ARAP3: variants seen among roughly 807,000 people sequenced by gnomAD.
ARAP3 encodes the protein arf-GAP with Rho-GAP domain, ANK repeat and PH domain-containing protein 3.
A neutral mutation model predicts 169.2 loss-of-function variants in ARAP3; 82 were observed. The ratio of observed to expected loss-of-function variants is 0.48; its 90% CI spans 0.41 to 0.58. ARAP3 has a LOEUF of 0.58. Ranked by LOEUF, ARAP3 falls within the 20% of genes least tolerant of loss-of-function variation. The pLI is 0.00. For synonymous variants in ARAP3, 791 were observed against 800.3 expected (o/e 0.99, Z 0.20); for missense variants, 1,764 against 2,018.0 (o/e 0.87, Z 2.41).
chr5:141,671,194 T>A lies in ARAP3; in HGVS notation c.1990+71A>T. 2.0e-6 allele frequency: 3 copies of A among 1,529,736 alleles called. No homozygotes were observed. The highest frequency in any genetic ancestry group is 2.6e-6 in the Non-Finnish European group (3 of 1,137,358). 94.8% of individuals were successfully genotyped at this position (1,529,736 alleles called of 1,614,324 possible). ...TTGTGATCAGCTAATTGGGGCCCCT[T>A]GGAAGAACTGAATCATAGGTTGGGT... On this transcript the variant is annotated intron_variant, in intron 13 of 32. Coordinates refer to ENST00000239440, the MANE Select transcript of ARAP3 (RefSeq NM_022481.6). The surrounding 1 kb of genome is among the most constrained non-coding windows in gnomAD (Gnocchi z 4.9).
chr5:141,679,819 G>T lies in ARAP3; in HGVS notation c.528C>A (p.Ala176=), dbSNP rs768354109. ...GGGCAGAGATTTGGGAGCTGTCTGG[G>T]GCCCTGAAGGGAAAGGTCTATTGGT... ...RGRAQAAQDK[A]PDSSQISAPT... is the part of the protein sequence containing the mutation. The change falls in exon 3 of 33, where the codon GCC becomes GCA. Residue 176 remains alanine, a synonymous_variant. Coordinates refer to ENST00000239440, the MANE Select transcript of ARAP3 (RefSeq NM_022481.6). The T allele has an allele frequency of 6.2e-7, 1 of 1,611,996 alleles. No homozygotes were observed. The highest frequency in any genetic ancestry group is 1.3e-5 in the African/African-American group (1 of 74,664).
At chr5:141,680,632 G>C (rs754914683) in intron 1 of ARAP3, 129 bp from the exon 2 acceptor site, 92 of 1,367,738 alleles carry the variant, frequency 6.7e-5, no homozygotes, top group Non-Finnish European at 8.6e-5. Flanking sequence ...AAAGGCCTGC[G>C]ATCTGGAAGC....
Position 141,671,461 on chromosome 5 carries a change from T to C in ARAP3, c.1855-61A>G. The stretch of plus-strand genomic sequence containing the variant: ...CCCAAACTGAGAGCACTGGGGACAG[T>C]CGTATCATCACTAAAAACAGTCCCC... On this transcript the variant is annotated intron_variant, in intron 12 of 32. Transcript: ENST00000239440. This position sits in a 1 kb window ranked among gnomAD's most constrained non-coding sequence, Gnocchi z 4.9. 6.3e-7 allele frequency: 1 copy of C among 1,598,110 alleles called. No homozygotes were observed. The highest frequency in any genetic ancestry group is 1.7e-5 in the Admixed American group (1 of 58,710).
At chr5:141,658,129 C>G (rs1018580522) in intron 25 of ARAP3, among the ~76,000 whole-genome samples, 1 of 152,108 alleles carries the variant, frequency 6.6e-6, no homozygotes, top group African/African-American at 2.4e-5. Context: ...GAGAAGCTCC[C>G]TTTAAGGTAG....
intron 26 of ARAP3, 28 bp from the exon 27 acceptor site, chr5:141,656,665 G>A (rs2099909302): frequency 4.3e-6 from 7 of 1,613,452 alleles, no homozygotes; most frequent in African/African-American, 1.3e-5. Flanking sequence ...ATCCTGGGTG[G>A]AGGATGCTAG....
intron 25 of ARAP3, 139 bp from the exon 26 acceptor site, chr5:141,656,985 G>A: frequency 1.6e-6 from 2 of 1,247,994 alleles, no homozygotes; most frequent in African/African-American, 1.5e-5. Context: ...CAGGAACTGT[G>A]CTGGCCCTGG....
At chr5:141,662,296 G>A (rs1483063214) in intron 19 of ARAP3, 41 bp from the exon 20 acceptor site, 1 of 1,601,226 alleles carries the variant, frequency 6.2e-7, no homozygotes, top group East Asian at 2.2e-5. Context: ...TGGTGCAAAG[G>A]CTACCACCAC....
chr5:141,666,749 G>A, intron 16 of ARAP3, 106 bp from the exon 17 acceptor site: 1 of 516,330 alleles, frequency 1.9e-6, no homozygotes, highest in Non-Finnish European at 3.1e-6. Context: ...AGAAAAACAT[G>A]AAGAGAAAGC....
intron 17 of ARAP3, 81 bp from the exon 18 acceptor site, chr5:141,665,455 T>C (rs560816875): frequency 1.7e-5 from 24 of 1,452,978 alleles, no homozygotes; most frequent in East Asian, 1.4e-4. Flanking sequence ...TTAACGTGCA[T>C]AGATGCCAGG....
chr5:141,671,796 A>C lies in ARAP3; in HGVS notation c.1672-44T>G, dbSNP rs1244003877. ...CAAAGGCAGGTGACAGGAACTCAAG[A>C]GTCCTCAGATGTTCCATTCCTGTCC... On this transcript the variant is annotated intron_variant, in intron 11 of 32. Transcript: ENST00000239440. The surrounding 1 kb of genome is among the most constrained non-coding windows in gnomAD (Gnocchi z 4.9). The C allele has an allele frequency of 1.2e-6, 2 of 1,601,978 alleles. No homozygotes were observed. The highest frequency in any genetic ancestry group is 1.3e-5 in the African/African-American group (1 of 74,624).
At position 141,665,385 on chromosome 5, in the gene ARAP3, A is replaced by T. The variant is rs199681200; in HGVS notation, c.2573-11T>A. 1.9e-6 allele frequency: 3 copies of T among 1,613,898 alleles called. No individual in the cohort carries two copies. In the Admixed American group the frequency reaches 5.0e-5, roughly 27 times the overall value. Reference sequence around the variant, plus strand: ...CTGCAGAAACCACACCTGGGAGGAGAATCAGTGGACATTTTCATGATTATC... The same window carrying T: ...CTGCAGAAACCACACCTGGGAGGAGTATCAGTGGACATTTTCATGATTATC... On this transcript the variant is annotated splice_polypyrimidine_tract_variant and intron_variant, in intron 17 of 32. Coordinates refer to ENST00000239440, the MANE Select transcript of ARAP3 (RefSeq NM_022481.6).
chr5:141,670,107 C>T, intron 14 of ARAP3, 44 bp from the exon 15 acceptor site: 1 of 1,574,712 alleles, frequency 6.4e-7, no homozygotes, highest in Non-Finnish European at 8.6e-7. Context: ...ACCTCTGCCC[C>T]CACTGTCATA....
intron 4 of ARAP3, among the ~76,000 whole-genome samples, chr5:141,675,523 A>T (rs903655796): frequency 1.1e-4 from 17 of 152,178 alleles, no homozygotes; most frequent in Non-Finnish European, 2.4e-4. Flanking sequence ...GTTCAAGACC[A>T]GCCTGGGCAA....
Position 141,673,086 on chromosome 5 carries a change from G to GGTCATCTCAATGGCA in ARAP3, c.1005_1019dup (p.Ala336_Thr340dup). ...GGAACTTGTTGTCCTTGCTGCTGCG[G>GGTCATCTCAATGGCA]GTCATCTCAATGGCAGTCAAAGGTA... On this transcript the variant is annotated inframe_insertion, in exon 7 of 33. Coordinates refer to ENST00000239440, the MANE Select transcript of ARAP3 (RefSeq NM_022481.6). 4 of 1,614,162 alleles carry GGTCATCTCAATGGCA rather than the reference G, an allele frequency of 2.5e-6. No individual in the cohort carries two copies. The highest frequency in any genetic ancestry group is 3.4e-6 in the Non-Finnish European group (4 of 1,180,024).
chr5:141,665,519 T>C, intron 17 of ARAP3, 145 bp from the exon 18 acceptor site: 1 of 777,512 alleles, frequency 1.3e-6, no homozygotes, highest in Non-Finnish European at 2.0e-6. Context: ...TGTACTATTA[T>C]TCCCATTTTA....
In ARAP3 at chr5:141,680,004, G is replaced by T. The variant is rs146956360; in HGVS notation, c.483C>A (p.Phe161Leu). 5 of 1,614,142 alleles carry T rather than the reference G, an allele frequency of 3.1e-6. No homozygotes were observed. The South Asian group carries it at 4.4e-5, about 14-fold the overall frequency. Residue 161 changes from phenylalanine (F) to leucine (L), a missense_variant, in exon 2 of 33, where the codon TTC becomes TTA. This residue lies in a region of ARAP3 where 630 missense variants were observed against 678.7 expected (regional missense o/e 0.93). Coordinates refer to ENST00000239440, the MANE Select transcript of ARAP3 (RefSeq NM_022481.6). ...GTGCCCTGCCTCTTGAGTCCAGGCC[G>T]AAGTAGATGGAATTAGGCATCATCT... Reference protein sequence around the residue: ...TVEMMPNSIYFGLDSRGRAQA... With the variant: ...TVEMMPNSIYLGLDSRGRAQA...
chr5:141,668,669 C>T (rs1166775178), intron 16 of ARAP3, among the ~76,000 whole-genome samples: 1 of 152,140 alleles, frequency 6.6e-6, no homozygotes, highest in East Asian at 1.9e-4. Flanking sequence ...GATATGGAGA[C>T]AATGTGTTAG....
Position 141,656,047 on chromosome 5 carries a change from G to A in ARAP3, c.3908+17C>T. The A allele has an allele frequency of 1.2e-6, 2 of 1,614,198 alleles. No individual in the cohort carries two copies. The highest frequency in any genetic ancestry group is 8.5e-7 in the Non-Finnish European group (1 of 1,180,038). On this transcript the variant is annotated intron_variant, in intron 29 of 32. Transcript: ENST00000239440. The stretch of plus-strand genomic sequence containing the variant: ...CAGAGGTGGGCCAGAGGAGAAGCCA[G>A]GGCAGGAGGTACTCACAGGTGCATC...
At position 141,672,007 on chromosome 5, in the gene ARAP3, G is replaced by T. The variant is rs1277750850; in HGVS notation, c.1586-27C>A. The stretch of plus-strand genomic sequence containing the variant: ...TGTGAGGGTGTGAGGGTGTGTGAGG[G>T]TGTGTGAGGGTGTGAGGGGCATGTG... On this transcript the variant is annotated intron_variant, in intron 10 of 32. Coordinates refer to ENST00000239440, the MANE Select transcript of ARAP3 (RefSeq NM_022481.6). The surrounding 1 kb of genome is among the most constrained non-coding windows in gnomAD (Gnocchi z 4.9). 1.2e-6 allele frequency: 2 copies of T among 1,613,838 alleles called. No individual in the cohort carries two copies.
Sources: gnomAD v4.1 joint callset for allele counts (sites outside exome capture counted in the v4.1 genomes callset) on GRCh38, gnomAD v4.1.1 for gene constraint, gnomAD v4.1.1 regional missense constraint, Gnocchi (gnomAD v3.1) non-coding constraint, MANE v1.5 for transcripts, NCBI Gene and HGNC (gene_info 2026-07-23, HGNC 2026-07-21) for gene names.